Variants in PKHD1L1 observed in about 807,000 individuals in gnomAD.
The protein encoded by PKHD1L1 is PKHD1 like 1, also known as fibrocystin-L.
A neutral mutation model predicts 462.9 loss-of-function variants in PKHD1L1; 434 were observed. The ratio of observed to expected loss-of-function variants is 0.94; its 90% CI spans 0.87 to 1.02. The LOEUF is 1.02. Ranked by LOEUF, PKHD1L1 falls within the 50% of genes least tolerant of loss-of-function variation. The pLI, the probability that PKHD1L1 is intolerant of heterozygous loss-of-function variation, is 0.00. For synonymous variants in PKHD1L1, 1,781 were observed against 1,750.0 expected (o/e 1.02, Z -0.44); for missense variants, 5,202 against 5,096.1 (o/e 1.02, Z -0.63).
intron 2 of PKHD1L1, among the ~76,000 whole-genome samples, chr8:109,366,820 G>A (rs530817064): frequency 8.6e-4 from 130 of 151,770 alleles, no homozygotes; most frequent in African/African-American, 3.1e-3. Flanking sequence ...AGCCTCCTGA[G>A]TAGCTGGAAT....
At chr8:109,508,362 C>G in intron 70 of PKHD1L1, 98 bp downstream of exon 70, 1 of 1,274,942 alleles carries the variant, frequency 7.8e-7, no homozygotes, top group East Asian at 2.3e-5. Context: ...ACACAACTAG[C>G]AAACATCAGG....
Position 109,426,984 on chromosome 8 carries a change from AC to A in PKHD1L1, c.2846-14del. The A allele has an allele frequency of 7.6e-7, 1 of 1,319,888 alleles. No homozygotes were observed. Among genetic ancestry groups the A allele is most frequent in the Non-Finnish European group, 1.1e-6 (1 of 913,232 alleles). The allele number at this position is 1,319,888 out of a possible 1,614,324, so 81.8% of individuals were successfully genotyped here. ...TGAATTGTGACTCCTGCTGTTTGCC[AC>A]CCCTCTGTGAGTGCAGGCCTCCCCG... On this transcript the variant is annotated splice_polypyrimidine_tract_variant and intron_variant, in intron 24 of 77. Transcript: ENST00000378402.
Position 109,534,497 on chromosome 8 carries a change from A to G in PKHD1L1, c.*4407A>G, listed in dbSNP as rs1230837026. On this transcript the variant is annotated 3_prime_UTR_variant, in exon 78 of 78. Coordinates refer to ENST00000378402, the MANE Select transcript of PKHD1L1 (RefSeq NM_177531.6). ...ACCCAAAAAACTTTAATCTGAATCC[A>G]TTATGTGTTGGGTTGGGTTGGGGAA... is the stretch of plus-strand genomic sequence containing the variant. Among the ~76,000 whole-genome samples, 1 of 151,998 alleles carries G rather than the reference A, an allele frequency of 6.6e-6. No individual in the cohort carries two copies. The highest frequency in any genetic ancestry group is 2.4e-5 in the African/African-American group (1 of 41,388).
rs373842248 is a variant in PKHD1L1, at chr8:109,440,843, G to A, written c.4090G>A (p.Val1364Met). The A allele has an allele frequency of 5.4e-5, 87 of 1,611,994 alleles. No individual in the cohort carries two copies. The highest frequency in any genetic ancestry group is 1.2e-4 in the African/African-American group (9 of 74,820). Residue 1364 changes from valine (V) to methionine (M), a missense_variant, in exon 33 of 78, where the codon GTG (valine) becomes ATG (methionine). Transcript: ENST00000378402. The stretch of plus-strand genomic sequence containing the variant: ...CAGCACAATACCAGCTGAGAATACC[G>A]TGCTGTTAGGTAAGAGCTTCATTCA... The part of the protein sequence containing the change: ...GFSTIPAENT[V>M]LLGSIPCNVT...
chr8:109,498,415 G>T, intron 65 of PKHD1L1, 47 bp from the exon 66 acceptor site: 1 of 1,403,910 alleles, frequency 7.1e-7, no homozygotes, highest in South Asian at 1.2e-5. Flanking sequence ...TTTTCTTTTA[G>T]TAAGAGCTAT....
At chr8:109,398,006 T>A (rs1813065382) in intron 11 of PKHD1L1, among the ~76,000 whole-genome samples, 1 of 152,208 alleles carries the variant, frequency 6.6e-6, no homozygotes, top group Non-Finnish European at 1.5e-5. Flanking sequence ...TAACAATTAT[T>A]ATCCCCCTTT....
rs569507523 is a variant in PKHD1L1, at chr8:109,389,117, G to A, written c.662G>A (p.Gly221Asp). The A allele has an allele frequency of 1.5e-5, 24 of 1,611,078 alleles. No homozygotes were observed. The highest frequency in any genetic ancestry group is 6.8e-6 in the Non-Finnish European group (8 of 1,178,040). Residue 221 changes from glycine to aspartate, a missense_variant, in exon 8 of 78, where the codon GGT becomes GAT. Gly to Asp is a moderately conservative substitution (Grantham distance 94). This residue lies in a region of PKHD1L1 where 4,497 missense variants were observed against 4,336.8 expected (regional missense o/e 1.04). Coordinates refer to ENST00000378402, the MANE Select transcript of PKHD1L1 (RefSeq NM_177531.6). ...LKLDHPNGDMGSMVCKTTGTF... is the reference protein window; with the variant it reads ...LKLDHPNGDMDSMVCKTTGTF... ...CTGGATCATCCAAATGGAGATATGG[G>A]TTCTATGGTTTGTAAGACGACTGGA... is the stretch of plus-strand genomic sequence containing the variant.
chr8:109,386,883 T>C (rs1812470220), intron 6 of PKHD1L1, among the ~76,000 whole-genome samples: 1 of 152,144 alleles, frequency 6.6e-6, no homozygotes, highest in Non-Finnish European at 1.5e-5. Context: ...ATATAAAGAT[T>C]TGGATGGAAA....
At position 109,465,062 on chromosome 8, in the gene PKHD1L1, A is replaced by G. The variant is rs1173097594; in HGVS notation, c.8230A>G (p.Met2744Val). Residue 2744 changes from methionine (M) to valine (V), a missense_variant, in exon 49 of 78, where the codon ATG (methionine) becomes GTG (valine). By Grantham distance (21) the Met-to-Val change is conservative. Coordinates refer to ENST00000378402, the MANE Select transcript of PKHD1L1 (RefSeq NM_177531.6). ...CTTGACTGTCTCTTCTGTGCACTTT[A>G]TGAACTTTGACCGTCCCAACTGTGT... ...EGLTVSSVHF[M>V]NFDRPNCVAL... The G allele has an allele frequency of 1.2e-6, 2 of 1,613,674 alleles. No homozygotes were observed. The highest frequency in any genetic ancestry group is 1.3e-5 in the African/African-American group (1 of 74,898).
chr8:109,410,804 C>T (rs1586455064), intron 19 of PKHD1L1, among the ~76,000 whole-genome samples: 1 of 141,096 alleles, frequency 7.1e-6, no homozygotes, highest in East Asian at 2.3e-4. Context: ...TCTTGGCTCA[C>T]TGCAACCTCC....
intron 23 of PKHD1L1, among the ~76,000 whole-genome samples, chr8:109,421,732 G>C (rs979707446): frequency 9.7e-4 from 148 of 152,194 alleles, no homozygotes; most frequent in African/African-American, 3.2e-3. Flanking sequence ...TGCAGTGAGC[G>C]GAGATCGCGC....
intron 13 of PKHD1L1, 53 bp from the exon 14 acceptor site, chr8:109,401,444 A>G (rs1228864454): frequency 1.1e-6 from 1 of 901,876 alleles, no homozygotes; most frequent in African/African-American, 1.7e-5. Flanking sequence ...AAATGTTGAA[A>G]AGGTCTATTA....
In PKHD1L1 at chr8:109,429,364, G is replaced by GA. The variant is rs769976866; in HGVS notation, c.3029dup (p.Ala1011GlyfsTer2). 2.6e-6 allele frequency: 4 copies of GA among 1,538,982 alleles called. No homozygotes were observed. The highest frequency in any genetic ancestry group is 1.8e-5 in the Admixed American group (1 of 54,748). Reference sequence around the variant, plus strand: ...GATTAATGATTCCAACATTATTGGAGAAAAGGCTAATATGACAGTTACAAG... The same window carrying GA: ...GATTAATGATTCCAACATTATTGGAGAAAAAGGCTAATATGACAGTTACAAG... On this transcript the variant is annotated frameshift_variant, in exon 26 of 78. Coordinates refer to ENST00000378402, the MANE Select transcript of PKHD1L1 (RefSeq NM_177531.6). LOFTEE classifies it high-confidence loss of function.
At chr8:109,372,414 C>T (rs565629422) in intron 2 of PKHD1L1, among the ~76,000 whole-genome samples, 120 of 152,102 alleles carry the variant, frequency 7.9e-4, no homozygotes, top group Non-Finnish European at 1.4e-3. Context: ...GCTGAGACGA[C>T]TGGGTTATCT....
At chr8:109,423,420 T>G (rs866735580) in intron 23 of PKHD1L1, among the ~76,000 whole-genome samples, 1 of 152,192 alleles carries the variant, frequency 6.6e-6, no homozygotes, top group Non-Finnish European at 1.5e-5. Context: ...TTGGAACCTT[T>G]GTCAAAAATC....
intron 62 of PKHD1L1, among the ~76,000 whole-genome samples, chr8:109,492,664 T>C (rs542380434): frequency 6.6e-6 from 1 of 152,028 alleles, no homozygotes; most frequent in South Asian, 2.1e-4. Flanking sequence ...TTTATCTGTT[T>C]ATACGTATAG....
rs908984883 is a variant in PKHD1L1, at chr8:109,522,826, C to G, written c.12266C>G (p.Pro4089Arg). ...TCCTCACTCTTAGTGATCACTCAGC[C>G]GGTGGCAGCACAGCCAGGACAGCCA... ...FVSSLLVITQ[P>R]VAAQPGQPFP... Residue 4089 changes from proline to arginine, a missense_variant, in exon 75 of 78, where the codon CCG (proline) becomes CGG (arginine). This residue lies in a region of PKHD1L1 where 698 missense variants were observed against 736.3 expected (regional missense o/e 0.95). Coordinates refer to ENST00000378402, the MANE Select transcript of PKHD1L1 (RefSeq NM_177531.6). 6.2e-7 allele frequency: 1 copy of G among 1,612,178 alleles called. No individual in the cohort carries two copies. Among genetic ancestry groups the G allele is most frequent in the African/African-American group, 1.3e-5 (1 of 74,954 alleles).
intron 21 of PKHD1L1, among the ~76,000 whole-genome samples, chr8:109,418,317 T>C (rs192593171): frequency 6.6e-6 from 1 of 152,298 alleles, no homozygotes; most frequent in East Asian, 1.9e-4. Context: ...AGTCTAATCT[T>C]TGATGAGCTA....
Position 109,443,653 on chromosome 8 carries a change from A to C in PKHD1L1, c.4565-23A>C, listed in dbSNP as rs200212357. The C allele has an allele frequency of 1.4e-4, 225 of 1,562,074 alleles. 2 individuals are homozygous for C. In the East Asian group the frequency reaches 3.6e-3, roughly 25 times the overall value. ...ATTTTGGAATGTTATTCATGACTTA[A>C]CGGGCAGTTCTTTTGTCTAAAGGAG... On this transcript the variant is annotated intron_variant, in intron 36 of 77. Transcript: ENST00000378402.
Sources: allele counts gnomAD v4.1 joint callset (sites outside exome capture counted in the v4.1 genomes callset), GRCh38; gene constraint gnomAD v4.1.1; regional missense constraint gnomAD v4.1.1; transcripts MANE v1.5; gene names NCBI Gene and HGNC (gene_info 2026-07-23, HGNC 2026-07-21).